The following LIPM variants were observed in gnomAD, a reference collection of about 807,000 sequenced individuals.
LIPM encodes lipase member M.
LIPM carries 42 observed loss-of-function variants against 42.4 expected under a neutral mutation model. The observed-to-expected ratio is 0.99, with a 90% CI of 0.77 to 1.28. LIPM has a LOEUF of 1.28. Ranked by LOEUF, LIPM falls within the 50% of genes most tolerant of loss-of-function variation. LIPM has a pLI of 0.00. For synonymous variants in LIPM, 177 were observed against 173.3 expected (o/e 1.02, Z -0.17); for missense variants, 524 against 520.1 (o/e 1.01, Z -0.07).
At chr10:88,813,338 T>C in intron 3 of LIPM, 43 bp downstream of exon 3, 1 of 1,418,860 alleles carries the variant, frequency 7.0e-7, no homozygotes, top group Non-Finnish European at 9.4e-7. Flanking sequence ...TGTCTGTCTT[T>C]CAAAAAAAAT....
chr10:88,814,230 C>G (rs994903928), intron 3 of LIPM, among the ~76,000 whole-genome samples: 3 of 152,190 alleles, frequency 2.0e-5, no homozygotes, highest in African/African-American at 4.8e-5. Flanking sequence ...TTCTGCTTAA[C>G]AGTAGAACAG....
chr10:88,806,992 AC>A (rs11348890), intron 1 of LIPM, among the ~76,000 whole-genome samples: 6,772 of 152,168 alleles, frequency 0.045, 308 homozygotes, highest in East Asian at 0.13. Context: ...CCCGGCCTAT[AC>A]ATTTTTTTAA....
At chr10:88,811,061 A>C (rs559539821) in intron 2 of LIPM, among the ~76,000 whole-genome samples, 77 of 152,352 alleles carry the variant, frequency 5.1e-4, no homozygotes, top group Non-Finnish European at 1.0e-3. Flanking sequence ...CTTGAGAGAC[A>C]AAATGAGGCA....
intron 4 of LIPM, 53 bp downstream of exon 4, chr10:88,814,692 A>T (rs541230940): frequency 1.5e-6 from 2 of 1,320,638 alleles, no homozygotes; most frequent in East Asian, 5.0e-5. Flanking sequence ...TGAGCATACG[A>T]CACTAGCTAT....
chr10:88,815,818 A>C (rs770557576), intron 6 of LIPM, among the ~76,000 whole-genome samples: 13 of 152,210 alleles, frequency 8.5e-5, no homozygotes, highest in Non-Finnish European at 1.8e-4. Flanking sequence ...GTCATGCATC[A>C]TCCACCTCTA....
intron 3 of LIPM, 72 bp from the exon 4 acceptor site, chr10:88,814,458 C>G (rs1843692986): frequency 9.9e-7 from 1 of 1,006,936 alleles, no homozygotes; most frequent in Admixed American, 2.1e-5. Context: ...GTTTGTAAAC[C>G]TGGTGTCGGG....
rs1356629276 is a variant in LIPM at position 88,815,194 on chromosome 10, AT to A, written c.686del (p.Leu229CysfsTer6). On this transcript the variant is annotated frameshift_variant, in exon 5 of 9. Coordinates refer to ENST00000404743, the MANE Select transcript of LIPM (RefSeq NM_001128215.1). LOFTEE classifies it high-confidence loss of function. ...AGCATGCAAAAAGCCCCGGGACCAA[AT>A]TTTTGTTGCTGCCAGATATGATGAT... is the stretch of plus-strand genomic sequence containing the variant. ...VKHAKSPGTK[F>X]LLLPDMMIKG... The A allele has an allele frequency of 6.4e-7, 1 of 1,551,740 alleles. No individual in the cohort carries two copies. The highest frequency in any genetic ancestry group is 1.2e-5 in the South Asian group (1 of 84,002).
chr10:88,814,689 A>C (rs1473524796), intron 4 of LIPM, 50 bp downstream of exon 4: 6 of 1,340,870 alleles, frequency 4.5e-6, no homozygotes, highest in Non-Finnish European at 5.2e-6. Context: ...ATGTGAGCAT[A>C]CGACACTAGC....
At chr10:88,809,899 T>C (rs1346620843) in intron 2 of LIPM, among the ~76,000 whole-genome samples, 1 of 152,216 alleles carries the variant, frequency 6.6e-6, no homozygotes, top group Non-Finnish European at 1.5e-5. Context: ...CAGATGTCTA[T>C]GCAGCTTGCC....
chr10:88,814,055 G>A (rs982253127), intron 3 of LIPM, among the ~76,000 whole-genome samples: 10 of 152,086 alleles, frequency 6.6e-5, no homozygotes, highest in Non-Finnish European at 8.8e-5. Flanking sequence ...ATATCACCTA[G>A]GGACCATCGA....
intron 8 of LIPM, among the ~76,000 whole-genome samples, chr10:88,818,222 T>TA (rs1211723085): frequency 2.6e-5 from 4 of 151,894 alleles, no homozygotes; most frequent in Middle Eastern, 3.4e-3. Flanking sequence ...ATTTTAGAAT[T>TA]AAAAAAAATG....
At chr10:88,816,644 A>G (rs998840911) in intron 6 of LIPM, among the ~76,000 whole-genome samples, 172 bp from the exon 7 acceptor site, 1 of 152,214 alleles carries the variant, frequency 6.6e-6, no homozygotes, top group African/African-American at 2.4e-5. Flanking sequence ...CTGGCAATAC[A>G]TTTAATGACA....
intron 2 of LIPM, 130 bp from the exon 3 acceptor site, chr10:88,812,967 T>C (rs936711926): frequency 1.9e-5 from 14 of 745,580 alleles, no homozygotes; most frequent in Non-Finnish European, 2.6e-5. Context: ...TTGGCCAAGA[T>C]AACTAAGCTA....
intron 1 of LIPM, among the ~76,000 whole-genome samples, chr10:88,807,444 C>T (rs1843602938): frequency 6.6e-6 from 1 of 152,158 alleles, no homozygotes; most frequent in Non-Finnish European, 1.5e-5. Flanking sequence ...AAATGGTTCT[C>T]TCCTTCTCTC....
rs558449633 is a variant in LIPM, at chr10:88,811,720, C to T, written c.266-1377C>T. ...ATTTACCAACTGTTTACAGTTTTAC[C>T]CCATTTATTTTATCATTATCTCTCC... is the stretch of plus-strand genomic sequence containing the variant. On this transcript the variant is annotated intron_variant, in intron 2 of 8. Transcript: ENST00000404743. Among the ~76,000 whole-genome samples, 3 of 152,106 alleles carry T rather than the reference C, an allele frequency of 2.0e-5. No homozygotes were observed. In the South Asian group the frequency reaches 6.2e-4, roughly 32 times the overall value.
intron 2 of LIPM, 26 bp from the exon 3 acceptor site, chr10:88,813,071 A>G (rs755383355): frequency 1.3e-6 from 2 of 1,529,248 alleles, no homozygotes; most frequent in Admixed American, 3.9e-5. Flanking sequence ...AACATTTCAT[A>G]CAGTTGAAAT....
At chr10:88,803,358 C>T (rs1843550343) in intron 1 of LIPM, among the ~76,000 whole-genome samples, 1 of 152,116 alleles carries the variant, frequency 6.6e-6, no homozygotes, top group South Asian at 2.1e-4. Context: ...CACCCCAGTC[C>T]CTTGATTATT....
In LIPM at chr10:88,813,772, C is replaced by T. The variant is rs139728520; in HGVS notation, c.464+477C>T. On this transcript the variant is annotated intron_variant, in intron 3 of 8. Transcript: ENST00000404743. The stretch of plus-strand genomic sequence containing the variant: ...TCACAGTTCAGCGGGGCTGGGGAGG[C>T]CTCAGGAAACTTACAATCATGGCAG... Among the ~76,000 whole-genome samples the T allele has an allele frequency of 6.2e-3, 936 of 152,172 alleles. 4 individuals carry two copies. Among genetic ancestry groups the T allele is most frequent in the African/African-American group, 0.021 (862 of 41,518 alleles).
Position 88,815,187 on chromosome 10 carries a change from G to T in LIPM, c.674G>T (p.Gly225Val), listed in dbSNP as rs1407386763. The change falls in exon 5 of 9, where the codon GGG (glycine) becomes GTG (valine). Residue 225 changes from glycine (G) to valine (V), a missense_variant. Coordinates refer to ENST00000404743, the MANE Select transcript of LIPM (RefSeq NM_001128215.1). The stretch of plus-strand genomic sequence containing the variant: ...ACTGTTAAGCATGCAAAAAGCCCCG[G>T]GACCAAATTTTTGTTGCTGCCAGAT... ...IATVKHAKSPGTKFLLLPDMM... is the reference protein window; with the variant it reads ...IATVKHAKSPVTKFLLLPDMM... 1.2e-5 allele frequency: 18 copies of T among 1,551,748 alleles called. No individual in the cohort carries two copies. The highest frequency in any genetic ancestry group is 1.4e-5 in the Non-Finnish European group (16 of 1,147,020).
Sources: allele counts gnomAD v4.1 joint callset (sites outside exome capture counted in the v4.1 genomes callset), GRCh38; gene constraint gnomAD v4.1.1; transcripts MANE v1.5; gene names NCBI Gene and HGNC (gene_info 2026-07-23, HGNC 2026-07-21).